Variants in ZEB2 observed in about 807,000 individuals in gnomAD.
The protein encoded by ZEB2 is zinc finger E-box binding homeobox 2.
ZEB2 carries 6 observed loss-of-function variants against 99.9 expected under a neutral mutation model. The observed-to-expected ratio is 0.06, with a 90% CI of 0.03 to 0.12. ZEB2 has a LOEUF of 0.12. Ranked by LOEUF, ZEB2 falls within the 10% of genes least tolerant of loss-of-function variation. The pLI is 1.00. For missense variants in ZEB2, 969 were observed against 1,502.8 expected, an observed-to-expected ratio of 0.64 and a Z score of 5.87; for synonymous variants, 517 against 542.5, an observed-to-expected ratio of 0.95 and a Z score of 0.65.
chr2:144,410,487 A>G (rs1703446030), intron 4 of ZEB2, among the ~76,000 whole-genome samples: 1 of 152,252 alleles, frequency 6.6e-6, no homozygotes, highest in Admixed American at 6.5e-5. Context: ...CGATGTTAAC[A>G]GAACTCTAAA....
intron 2 of ZEB2, among the ~76,000 whole-genome samples, chr2:144,498,215 C>T (rs1398567949): frequency 7.2e-6 from 1 of 138,592 alleles, no homozygotes; most frequent in Non-Finnish European, 1.5e-5. Flanking sequence ...GCTCATAGGG[C>T]ACTACGAACC....
At position 144,402,048 on chromosome 2, in the gene ZEB2, C is replaced by T. The variant is rs561016422; in HGVS notation, c.808-741G>A. On this transcript the variant is annotated intron_variant, in intron 6 of 9. Transcript: ENST00000627532. The stretch of plus-strand genomic sequence containing the variant: ...CACAGGCCAGTAGGAAAGACTTCAA[C>T]GACTTTTCATTTTCCTTTTTAGTAG... Among the ~76,000 whole-genome samples, 105 of 152,170 alleles carry T rather than the reference C, an allele frequency of 6.9e-4. 1 individual carries two copies. The highest frequency in any genetic ancestry group is 5.4e-3 in the South Asian group (26 of 4,820).
intron 4 of ZEB2, among the ~76,000 whole-genome samples, chr2:144,419,659 C>T (rs558217029): frequency 2.0e-5 from 3 of 152,274 alleles, no homozygotes; most frequent in African/African-American, 7.2e-5. Flanking sequence ...TTCATTCACA[C>T]ACTTAAAAAT....
chr2:144,474,037 C>A (rs1033814515), intron 2 of ZEB2, among the ~76,000 whole-genome samples: 2 of 152,130 alleles, frequency 1.3e-5, no homozygotes, highest in African/African-American at 4.8e-5. Context: ...AATCCTGGGT[C>A]ATCGTTTGCA....
At chr2:144,426,260 A>AT (rs1257053068) in intron 3 of ZEB2, among the ~76,000 whole-genome samples, 2 of 152,172 alleles carry the variant, frequency 1.3e-5, no homozygotes, top group African/African-American at 4.8e-5. Context: ...ATATATAGCA[A>AT]TATTGTATTG....
chr2:144,452,081 A>T (rs1490488998), intron 2 of ZEB2, among the ~76,000 whole-genome samples: 1 of 152,088 alleles, frequency 6.6e-6, no homozygotes. Flanking sequence ...GTTTCTAATG[A>T]GCTCCACTCA....
chr2:144,391,216 T>A (rs563732837), intron 9 of ZEB2, among the ~76,000 whole-genome samples: 20 of 152,354 alleles, frequency 1.3e-4, no homozygotes, highest in African/African-American at 4.6e-4. Flanking sequence ...TGTTATTGAA[T>A]GCCTCCAGGG....
chr2:144,410,357 T>G (rs899566459), intron 4 of ZEB2, among the ~76,000 whole-genome samples: 4 of 152,222 alleles, frequency 2.6e-5, no homozygotes, highest in Non-Finnish European at 4.4e-5. Context: ...TAATGTTGCT[T>G]ATTAATGACA....
chr2:144,454,025 T>A (rs1467016676), intron 2 of ZEB2, among the ~76,000 whole-genome samples: 6 of 152,240 alleles, frequency 3.9e-5, no homozygotes, highest in African/African-American at 1.2e-4. Flanking sequence ...AGATTCAGTA[T>A]TTGTGACTTT....
intron 2 of ZEB2, among the ~76,000 whole-genome samples, chr2:144,441,583 G>A (rs1703918890): frequency 6.7e-6 from 1 of 150,336 alleles, no homozygotes; most frequent in African/African-American, 2.4e-5. Context: ...CACTTTCTGA[G>A]GTGGCAAGGA....
intron 2 of ZEB2, among the ~76,000 whole-genome samples, chr2:144,476,346 T>C (rs1283645951): frequency 1.3e-5 from 2 of 152,196 alleles, no homozygotes; most frequent in African/African-American, 2.4e-5. Flanking sequence ...GTACCTATCA[T>C]GAAGTGGGCC....
chr2:144,395,028 C>T (rs1349599477), intron 9 of ZEB2, among the ~76,000 whole-genome samples: 2 of 133,206 alleles, frequency 1.5e-5, no homozygotes, highest in African/African-American at 2.8e-5. Context: ...TAGGGTCTCA[C>T]TCTGTTGCTC....
At chr2:144,442,119 A>C (rs1281200442) in intron 2 of ZEB2, among the ~76,000 whole-genome samples, 1 of 152,200 alleles carries the variant, frequency 6.6e-6, no homozygotes, top group Non-Finnish European at 1.5e-5. Context: ...CATAAATTAA[A>C]ATGAATGTCT....
intron 2 of ZEB2, chr2:144,513,156 A>G (rs1705070222): frequency 7.8e-6 from 10 of 1,285,862 alleles, no homozygotes; most frequent in South Asian, 1.2e-5. Flanking sequence ...TCATTTAAGC[A>G]TCTCTGAAAC....
At position 144,398,825 on chromosome 2, in the gene ZEB2, G is replaced by T; in HGVS notation, c.2362C>A (p.Leu788Ile). Residue 788 changes from leucine to isoleucine, a missense_variant, in exon 8 of 10, where the codon CTT becomes ATT. Physicochemically the swap from Leu to Ile is conservative, Grantham distance 5. Coordinates refer to ENST00000627532, the MANE Select transcript of ZEB2 (RefSeq NM_014795.4). ...SRSNTPSPLN[L>I]SSTSSKNSHS... The stretch of plus-strand genomic sequence containing the variant: ...GAGTTTTTAGAAGATGTGGAGGAAA[G>T]ATTTAAGGGAGAAGGAGTATTACTC... 1 of 1,614,140 alleles carries T rather than the reference G, an allele frequency of 6.2e-7. No homozygotes were observed. The highest frequency in any genetic ancestry group is 8.5e-7 in the Non-Finnish European group (1 of 1,180,024).
At chr2:144,401,070 CAG>C in intron 7 of ZEB2, 127 bp downstream of exon 7, 1 of 825,138 alleles carries the variant, frequency 1.2e-6, no homozygotes, top group African/African-American at 1.7e-5. Context: ...ATCAGGCACA[CAG>C]AGTTGATGAA....
Position 144,389,558 on chromosome 2 carries a change from G to T in ZEB2, c.3538C>A (p.Arg1180=), listed in dbSNP as rs756424812. 22 of 1,613,762 alleles carry T rather than the reference G, an allele frequency of 1.4e-5. No homozygotes were observed. Among genetic ancestry groups the T allele is most frequent in the African/African-American group, 2.7e-5 (2 of 74,794 alleles). ...KSMDTDPETI[R]DEEETGDHSM... is the part of the protein sequence containing the mutation. Reference sequence around the variant, plus strand: ...TGATCTCCAGTCTCTTCTTCATCTCGTATCGTTTCGGGATCCGTATCCATA... The same window carrying T: ...TGATCTCCAGTCTCTTCTTCATCTCTTATCGTTTCGGGATCCGTATCCATA... The change falls in exon 10 of 10, where the codon CGA becomes AGA. Residue 1180 remains arginine (R), a synonymous_variant. Coordinates refer to ENST00000627532, the MANE Select transcript of ZEB2 (RefSeq NM_014795.4). The surrounding 1 kb of genome is among the most constrained non-coding windows in gnomAD (Gnocchi z 6.8).
At chr2:144,475,773 T>A (rs1573782886) in intron 2 of ZEB2, among the ~76,000 whole-genome samples, 1 of 152,340 alleles carries the variant, frequency 6.6e-6, no homozygotes, top group East Asian at 1.9e-4. Context: ...GACTTACCTA[T>A]CTGTCAAACC....
At chr2:144,428,649 T>A (rs1022961917) in intron 3 of ZEB2, 1 of 152,190 alleles carries the variant, frequency 6.6e-6, no homozygotes, top group African/African-American at 2.4e-5. Context: ...TTGCCATCAG[T>A]CTTTTTTCTT....
Sources: allele counts gnomAD v4.1 joint callset (sites outside exome capture counted in the v4.1 genomes callset), GRCh38; gene constraint gnomAD v4.1.1; non-coding constraint Gnocchi (gnomAD v3.1); transcripts MANE v1.5; gene names NCBI Gene and HGNC (gene_info 2026-07-23, HGNC 2026-07-21).